The following EIF2S2 variants were observed in gnomAD, a reference collection of about 807,000 sequenced individuals.
EIF2S2 encodes eukaryotic translation initiation factor 2 subunit 2.
EIF2S2 carries 4 observed loss-of-function variants against 44.0 expected under a neutral mutation model. The ratio of observed to expected loss-of-function variants is 0.09; its 90% CI spans 0.04 to 0.21. The LOEUF (loss-of-function observed/expected upper bound fraction) is 0.21, where lower values mean the gene tolerates loss of function less well. Among genes scored for constraint, EIF2S2 ranks in the 10% least tolerant of loss-of-function variants. The pLI is 1.00. For missense variants in EIF2S2, 154 were observed against 392.0 expected, an observed-to-expected ratio of 0.39 and a Z score of 5.13; for synonymous variants, 108 against 128.3, an observed-to-expected ratio of 0.84 and a Z score of 1.07.
intron 5 of EIF2S2, 128 bp from the exon 6 acceptor site, chr20:34,096,933 G>A (rs1015339896): frequency 6.7e-6 from 7 of 1,043,476 alleles, no homozygotes; most frequent in African/African-American, 1.6e-5. Flanking sequence ...ATTACTACAA[G>A]TCTGGGAGCT....
chr20:34,096,913 A>C, intron 5 of EIF2S2, 108 bp from the exon 6 acceptor site: 3 of 1,174,098 alleles, frequency 2.6e-6, no homozygotes, highest in Non-Finnish European at 3.6e-6. Context: ...CTGATTAAAT[A>C]TACACATGCA....
chr20:34,102,110 T>C (rs781405701), intron 3 of EIF2S2, among the ~76,000 whole-genome samples: 8 of 152,142 alleles, frequency 5.3e-5, no homozygotes, highest in Non-Finnish European at 8.8e-5. Context: ...ACCTCTAACA[T>C]CCTCTTATGT....
At chr20:34,109,940 A>C (rs529304268) in intron 1 of EIF2S2, among the ~76,000 whole-genome samples, 1 of 148,372 alleles carries the variant, frequency 6.7e-6, no homozygotes, top group Non-Finnish European at 1.5e-5. Flanking sequence ...CTAAAAATAC[A>C]AAAAAAAAAT....
intron 2 of EIF2S2, among the ~76,000 whole-genome samples, chr20:34,104,291 C>T (rs2034325030): frequency 6.6e-6 from 1 of 152,146 alleles, no homozygotes; most frequent in African/African-American, 2.4e-5. Flanking sequence ...ACCAACAAAC[C>T]TTCCCGTGGG....
Position 34,103,626 on chromosome 20 carries a change from C to A in EIF2S2, c.194-61G>T, listed in dbSNP as rs1032238815. The A allele has an allele frequency of 8.3e-6, 12 of 1,446,138 alleles. No individual in the cohort carries two copies. In the Admixed American group the frequency reaches 1.2e-4, roughly 15 times the overall value. 89.6% of individuals were successfully genotyped at this position (1,446,138 alleles called of 1,614,324 possible). ...AGGCAAAGCATCAAATTATGAGTTA[C>A]ACAAACATAGTTCAGCAATTAATCA... On this transcript the variant is annotated intron_variant, in intron 2 of 8. Coordinates refer to ENST00000374980, the MANE Select transcript of EIF2S2 (RefSeq NM_003908.5).
intron 1 of EIF2S2, among the ~76,000 whole-genome samples, chr20:34,108,936 AT>A (rs374743966): frequency 0.011 from 1,478 of 140,152 alleles, 6 homozygotes; most frequent in African/African-American, 0.019. Flanking sequence ...GGATTGTGGG[AT>A]TTTTTTTTTT....
intron 1 of EIF2S2, among the ~76,000 whole-genome samples, chr20:34,107,973 G>C (rs751503417): frequency 6.6e-6 from 1 of 152,164 alleles, no homozygotes; most frequent in Non-Finnish European, 1.5e-5. Flanking sequence ...ACTGCAAGGA[G>C]TACTGCAATA....
rs1340095300 is a variant in EIF2S2 at position 34,103,386 on chromosome 20, CAA to C, written c.297+74_297+75del. 7 of 1,462,880 alleles carry C rather than the reference CAA, an allele frequency of 4.8e-6. No individual in the cohort carries two copies. The African/African-American group carries it at 7.2e-5, about 15-fold the overall frequency. 90.6% of individuals were successfully genotyped at this position (1,462,880 alleles called of 1,614,324 possible). A position where few individuals can be genotyped will look rare whatever the true frequency, so the allele number is the denominator to read the frequency against. On this transcript the variant is annotated intron_variant, in intron 3 of 8. Coordinates refer to ENST00000374980, the MANE Select transcript of EIF2S2 (RefSeq NM_003908.5). ...AAAGCAAAGCTAGTAAGAGATGAGT[CAA>C]AGAGAGGGAAACATCAGCCATTAGC...
intron 5 of EIF2S2, 58 bp downstream of exon 5, chr20:34,097,358 C>T: frequency 1.4e-6 from 2 of 1,402,414 alleles, no homozygotes; most frequent in Non-Finnish European, 2.0e-6. Flanking sequence ...ATTTATCTTG[C>T]TCTTCTTTGA....
intron 6 of EIF2S2, among the ~76,000 whole-genome samples, chr20:34,094,757 G>A (rs2034207967): frequency 6.6e-6 from 1 of 150,736 alleles, no homozygotes; most frequent in Admixed American, 6.6e-5. Context: ...CACAAATATA[G>A]AGCAATGCCA....
chr20:34,103,770 A>C, intron 2 of EIF2S2, among the ~76,000 whole-genome samples: 1 of 151,434 alleles, frequency 6.6e-6, no homozygotes, highest in Admixed American at 6.6e-5. Context: ...GCAGTGGCGC[A>C]ATCTCAGCTC....
chr20:34,096,832 A>G (rs1355140253), intron 5 of EIF2S2, 27 bp from the exon 6 acceptor site: 3 of 1,595,788 alleles, frequency 1.9e-6, no homozygotes, highest in African/African-American at 2.7e-5. Flanking sequence ...GTATTCATGA[A>G]TACGCTTAGT....
intron 2 of EIF2S2, among the ~76,000 whole-genome samples, chr20:34,103,873 AT>A (rs2034320838): frequency 6.6e-6 from 1 of 151,788 alleles, no homozygotes; most frequent in Admixed American, 6.6e-5. Context: ...TGCCCAGCAA[AT>A]TTTTTGTATT....
intron 6 of EIF2S2, among the ~76,000 whole-genome samples, chr20:34,095,324 T>C (rs1297960392): frequency 1.3e-5 from 2 of 151,512 alleles, no homozygotes; most frequent in African/African-American, 4.9e-5. Context: ...TTTTTTTTTT[T>C]TTTTTTGACA....
At chr20:34,100,881 A>G (rs960001378) in intron 3 of EIF2S2, among the ~76,000 whole-genome samples, 5 of 152,210 alleles carry the variant, frequency 3.3e-5, no homozygotes, top group Non-Finnish European at 7.3e-5. Context: ...ACATCCCAGA[A>G]GAGCAGAAAA....
At chr20:34,103,384 G>A in intron 3 of EIF2S2, 78 bp downstream of exon 3, 5 of 1,461,426 alleles carry the variant, frequency 3.4e-6, no homozygotes, top group Non-Finnish European at 4.5e-6. Flanking sequence ...TAAGAGATGA[G>A]TCAAAGAGAG....
At chr20:34,105,267 A>G (rs1198042324) in intron 2 of EIF2S2, 101 bp downstream of exon 2, 12 of 1,300,234 alleles carry the variant, frequency 9.2e-6, no homozygotes, top group Non-Finnish European at 1.3e-5. Context: ...TCACTGGAAC[A>G]GCCTTGTCAG....
chr20:34,106,258 G>A (rs2034348335), intron 1 of EIF2S2, among the ~76,000 whole-genome samples: 1 of 152,010 alleles, frequency 6.6e-6, no homozygotes, highest in Admixed American at 6.6e-5. Flanking sequence ...GTAACTTGGG[G>A]CTGTTACACA....
At chr20:34,109,334 T>A (rs1018208291) in intron 1 of EIF2S2, among the ~76,000 whole-genome samples, 1 of 152,138 alleles carries the variant, frequency 6.6e-6, no homozygotes, top group Admixed American at 6.5e-5. Context: ...ACTGAATGCC[T>A]ATTGAGTAGG....
Sources: allele counts gnomAD v4.1 joint callset (sites outside exome capture counted in the v4.1 genomes callset), GRCh38; gene constraint gnomAD v4.1.1; transcripts MANE v1.5; gene names NCBI Gene and HGNC (gene_info 2026-07-23, HGNC 2026-07-21).